Variants in RADX observed in about 807,000 individuals in gnomAD.
RADX encodes the protein RPA-related protein RADX.
In RADX, 36 loss-of-function variants were observed where a neutral mutation model predicts 61.6. The ratio of observed to expected loss-of-function variants is 0.58; its 90% CI spans 0.45 to 0.77. The LOEUF (loss-of-function observed/expected upper bound fraction) is 0.77, where lower values mean the gene tolerates loss of function less well. Ranked by LOEUF, RADX falls within the 30% of genes least tolerant of loss-of-function variation. The probability of loss-of-function intolerance (pLI) is 0.00; values close to 1 mark genes in which losing one functional copy is unlikely to be tolerated. For synonymous variants in RADX, 272 were observed against 237.9 expected, an observed-to-expected ratio of 1.14 and a Z score of -1.32; for missense variants, 497 against 651.1, an observed-to-expected ratio of 0.76 and a Z score of 2.58.
intron 3 of RADX, among the ~76,000 whole-genome samples, chrX:106,628,303 T>C (rs1927123704): frequency 9.0e-6 from 1 of 111,599 alleles, no homozygotes; most frequent in Non-Finnish European, 1.9e-5. Flanking sequence ...GAAAGACTAA[T>C]GACAGTAAAC....
Position 106,612,151 on chromosome X carries a change from G to A in RADX, c.71G>A (p.Arg24Lys), listed in dbSNP as rs749942009. The A allele has an allele frequency of 2.5e-6, 3 of 1,211,942 alleles. No individual in the cohort carries two copies. The Admixed American group carries it at 6.5e-5, about 26-fold the overall frequency. The change falls in exon 1 of 14, where the codon AGG (arginine) becomes AAG (lysine). Residue 24 changes from arginine to lysine, a missense_variant. Arg to Lys is a conservative substitution (Grantham distance 26). This residue lies in a region of RADX where 34 missense variants were observed against 29.1 expected (regional missense o/e 1.17). Transcript: ENST00000372548. Reference protein sequence around the residue: ...HAGLDWPNPERNRAGVPGGVI... With the variant: ...HAGLDWPNPEKNRAGVPGGVI... ...GGGCTAGATTGGCCGAACCCTGAGA[G>A]GAATCGGGCTGGGGTCCCGGGAGGG... is the stretch of plus-strand genomic sequence containing the variant.
In RADX at chrX:106,645,999, T is replaced by C. The variant is rs550839335; in HGVS notation, c.1905-2314T>C. ...TGCTGGATTGACTCCTTTATCATTA[T>C]ATAGTGATCTTCTTTGTCTCTTCTT... On this transcript the variant is annotated intron_variant, in intron 10 of 13. Coordinates refer to ENST00000372548, the MANE Select transcript of RADX (RefSeq NM_018015.6). Among the ~76,000 whole-genome samples, 25 of 111,125 alleles carry C rather than the reference T, an allele frequency of 2.2e-4. No individual in the cohort carries two copies. In the South Asian group the frequency reaches 8.7e-3, roughly 39 times the overall value.
intron 6 of RADX, 37 bp from the exon 7 acceptor site, chrX:106,636,506 A>G (rs1264029139): frequency 2.4e-6 from 2 of 850,443 alleles, no homozygotes; most frequent in Non-Finnish European, 3.5e-6. Context: ...CCTATTTGAA[A>G]TGGAAAAGTA....
intron 11 of RADX, among the ~76,000 whole-genome samples, chrX:106,656,851 C>G (rs986191182): frequency 1.8e-5 from 2 of 111,597 alleles, no homozygotes; most frequent in Non-Finnish European, 3.8e-5. Context: ...AGAGCACAGG[C>G]AGAGTAGATT....
intron 10 of RADX, among the ~76,000 whole-genome samples, chrX:106,647,923 T>A (rs191145845): frequency 5.6e-4 from 62 of 110,958 alleles, no homozygotes; most frequent in African/African-American, 1.9e-3. Context: ...TGGTTATTAA[T>A]CCCTTGTCAG....
chrX:106,644,842 A>G (rs1603048914), intron 10 of RADX, among the ~76,000 whole-genome samples: 1 of 110,639 alleles, frequency 9.0e-6, no homozygotes, highest in East Asian at 2.8e-4. Context: ...AGTAGGATTG[A>G]TCTTAGCTCT....
intron 13 of RADX, among the ~76,000 whole-genome samples, chrX:106,674,431 A>G (rs1263666388): frequency 8.9e-6 from 1 of 111,945 alleles, no homozygotes; most frequent in Non-Finnish European, 1.9e-5. Context: ...CAGTTTCTCT[A>G]CTTCTTCACC....
intron 12 of RADX, among the ~76,000 whole-genome samples, chrX:106,662,712 CA>C (rs764434761): frequency 0.015 from 806 of 54,212 alleles, 4 homozygotes; most frequent in Middle Eastern, 0.029. Context: ...AAGCCCCTAC[CA>C]AAAAAAAAAA....
rs1928310544 is a variant in RADX, at chrX:106,669,331, G to A, written c.2437+1G>A. On this transcript the variant is annotated splice_donor_variant, in intron 13 of 13. Transcript: ENST00000372548. LOFTEE classifies it high-confidence loss of function. ...TTGCCAGGTCCAAGAGCGGTTGCAG[G>A]TAAAACAATCTCAGTGTTCTTTTCA... is the stretch of plus-strand genomic sequence containing the variant. The A allele has an allele frequency of 8.6e-7, 1 of 1,162,834 alleles. No individual in the cohort carries two copies. Among genetic ancestry groups the A allele is most frequent in the Non-Finnish European group, 1.2e-6 (1 of 868,033 alleles).
intron 6 of RADX, among the ~76,000 whole-genome samples, chrX:106,633,522 T>A (rs1927288937): frequency 9.0e-6 from 1 of 111,644 alleles, no homozygotes; most frequent in Non-Finnish European, 1.9e-5. Context: ...TTCCACGCAT[T>A]AAAAAAATCC....
intron 13 of RADX, among the ~76,000 whole-genome samples, chrX:106,676,945 C>G (rs1928527129): frequency 8.9e-6 from 1 of 111,863 alleles, no homozygotes. Context: ...CTTTACACCA[C>G]ATATATCTTT....
chrX:106,666,742 A>G (rs1157953941), intron 12 of RADX, among the ~76,000 whole-genome samples: 1 of 112,203 alleles, frequency 8.9e-6, no homozygotes, highest in African/African-American at 3.2e-5. Flanking sequence ...AACAAACCAT[A>G]TGACAAATTT....
intron 10 of RADX, among the ~76,000 whole-genome samples, chrX:106,643,838 G>T (rs1395319753): frequency 9.0e-6 from 1 of 111,474 alleles, no homozygotes; most frequent in Non-Finnish European, 1.9e-5. Flanking sequence ...TTTTGGCAGG[G>T]ATTGCATTGA....
At chrX:106,634,012 C>T (rs1424621737) in intron 6 of RADX, among the ~76,000 whole-genome samples, 2 of 111,081 alleles carry the variant, frequency 1.8e-5, no homozygotes, top group African/African-American at 6.5e-5. Context: ...TTATTTTTTT[C>T]CAAATAATTA....
intron 10 of RADX, among the ~76,000 whole-genome samples, chrX:106,645,238 G>A (rs1196431469): frequency 9.2e-6 from 1 of 109,180 alleles, no homozygotes; most frequent in Non-Finnish European, 1.9e-5. Context: ...CTTTTGTATT[G>A]ATTTTCTCAT....
intron 3 of RADX, among the ~76,000 whole-genome samples, chrX:106,630,947 T>C (rs1403722661): frequency 8.9e-6 from 1 of 111,920 alleles, no homozygotes; most frequent in African/African-American, 3.2e-5. Flanking sequence ...TAATAAGATA[T>C]TAGCAAAGCT....
At chrX:106,658,062 C>T in intron 11 of RADX, among the ~76,000 whole-genome samples, 1 of 110,864 alleles carries the variant, frequency 9.0e-6, no homozygotes, top group Non-Finnish European at 1.9e-5. Flanking sequence ...AGCATAAATA[C>T]CCCAAGTAAA....
chrX:106,629,291 G>C (rs896128649), intron 3 of RADX, among the ~76,000 whole-genome samples: 12 of 111,661 alleles, frequency 1.1e-4, no homozygotes, highest in Non-Finnish European at 2.1e-4. Flanking sequence ...AAGTACTTCG[G>C]AATATGCAAA....
At chrX:106,617,939 G>T (rs1254900196) in intron 1 of RADX, among the ~76,000 whole-genome samples, 1 of 112,027 alleles carries the variant, frequency 8.9e-6, no homozygotes, top group Non-Finnish European at 1.9e-5. Context: ...CAGAAAAAAA[G>T]ATTTGGAAAA....
Sources: allele counts gnomAD v4.1 joint callset (sites outside exome capture counted in the v4.1 genomes callset), GRCh38; gene constraint gnomAD v4.1.1; regional missense constraint gnomAD v4.1.1; transcripts MANE v1.5; gene names NCBI Gene and HGNC (gene_info 2026-07-23, HGNC 2026-07-21).